The following ABHD12 variants were observed in gnomAD, a reference collection of about 807,000 sequenced individuals.
ABHD12 encodes abhydrolase domain containing 12, lysophospholipase.
A neutral mutation model predicts 58.3 loss-of-function variants in ABHD12; 43 were observed. The observed-to-expected ratio is 0.74, with a 90% CI of 0.58 to 0.95. The LOEUF (loss-of-function observed/expected upper bound fraction) is 0.95. ABHD12 is among the 40% of genes least tolerant of loss of function. The pLI, the probability that ABHD12 is intolerant of heterozygous loss-of-function variation, is 0.00. For missense variants in ABHD12, 539 were observed against 537.2 expected (o/e 1.00, Z -0.03); for synonymous variants, 219 against 211.2 (o/e 1.04, Z -0.32).
intron 1 of ABHD12, among the ~76,000 whole-genome samples, chr20:25,382,712 C>G (rs2090036474): frequency 6.6e-6 from 1 of 152,168 alleles, no homozygotes; most frequent in Admixed American, 6.5e-5. Context: ...AGATACCCCT[C>G]ACAGTTCAGG....
intron 1 of ABHD12, among the ~76,000 whole-genome samples, chr20:25,381,626 C>CTT (rs776504228): frequency 0.013 from 1,894 of 141,954 alleles, 38 homozygotes; most frequent in African/African-American, 0.042. Flanking sequence ...TCAGTACCCT[C>CTT]TTTTTTTTTT....
chr20:25,300,779 G>T lies in ABHD12; in HGVS notation c.*66C>A. 6.2e-7 allele frequency: 1 copy of T among 1,612,966 alleles called. No individual in the cohort carries two copies. On this transcript the variant is annotated 3_prime_UTR_variant, in exon 13 of 13. Transcript: ENST00000339157. ...CGGCCCCCCGGGGCTTCAGGATACC[G>T]GGCTGCTGACTGGAGGAAAACGGGA... is the stretch of plus-strand genomic sequence containing the variant.
At chr20:25,301,441 AAC>A (rs1387920178) in intron 12 of ABHD12, among the ~76,000 whole-genome samples, 2 of 142,740 alleles carry the variant, frequency 1.4e-5, no homozygotes, top group African/African-American at 2.5e-5. Flanking sequence ...CACAACAAAA[AAC>A]TCTATCACCA....
chr20:25,352,517 T>C (rs2089615059), intron 1 of ABHD12, among the ~76,000 whole-genome samples: 1 of 152,094 alleles, frequency 6.6e-6, no homozygotes, highest in Admixed American at 6.5e-5. Flanking sequence ...CTCGAACTCC[T>C]GACCTCAGGT....
intron 1 of ABHD12, among the ~76,000 whole-genome samples, chr20:25,374,835 G>A (rs774060729): frequency 1.1e-4 from 16 of 152,156 alleles, no homozygotes; most frequent in Non-Finnish European, 2.2e-4. Context: ...CAACACTAAC[G>A]TGCGTGTCAG....
intron 1 of ABHD12, among the ~76,000 whole-genome samples, chr20:25,348,546 G>A (rs2089552492): frequency 6.6e-6 from 1 of 151,870 alleles, no homozygotes. Flanking sequence ...ACTTGAGCCT[G>A]GGAGGTTGAG....
intron 6 of ABHD12, among the ~76,000 whole-genome samples, chr20:25,312,071 C>A (rs1416268343): frequency 6.6e-6 from 1 of 152,112 alleles, no homozygotes; most frequent in Admixed American, 6.5e-5. Flanking sequence ...GTAATCCCAA[C>A]ACTTCGGGAG....
downstream of ABHD12, among the ~76,000 whole-genome samples, chr20:25,298,541 C>T (rs2088586439): frequency 6.6e-6 from 1 of 152,192 alleles, no homozygotes; most frequent in African/African-American, 2.4e-5. Context: ...AGTTGTGAAC[C>T]ACTGTTCCTG....
intron 3 of ABHD12, among the ~76,000 whole-genome samples, chr20:25,321,460 T>C (rs1484085503): frequency 1.3e-5 from 2 of 152,232 alleles, no homozygotes; most frequent in African/African-American, 4.8e-5. Context: ...GTTGGTGAGC[T>C]GGGCCTGCTG....
downstream of ABHD12, chr20:25,297,273 T>C (rs549275405): frequency 1.3e-5 from 2 of 152,402 alleles, no homozygotes; most frequent in South Asian, 2.1e-4. Flanking sequence ...TAGCTTGGTT[T>C]TGCTTATTCA....
chr20:25,330,720 G>A lies in ABHD12; in HGVS notation c.317-7290C>T, dbSNP rs575801217. Among the ~76,000 whole-genome samples the A allele has an allele frequency of 2.0e-5, 3 of 152,276 alleles. No individual in the cohort carries two copies. The South Asian group carries it at 6.2e-4, about 32-fold the overall frequency. On this transcript the variant is annotated intron_variant, in intron 2 of 12. Coordinates refer to ENST00000339157, the MANE Select transcript of ABHD12 (RefSeq NM_001042472.3). The stretch of plus-strand genomic sequence containing the variant: ...CAAGGGCAGACTGACACCTCACACG[G>A]CTGGGTACTCCAACAGACCTGCAGC...
At chr20:25,379,277 C>T (rs912336029) in intron 1 of ABHD12, among the ~76,000 whole-genome samples, 1 of 152,196 alleles carries the variant, frequency 6.6e-6, no homozygotes, top group Admixed American at 6.5e-5. Flanking sequence ...TTTTTAAAAA[C>T]ATTAAATGTC....
At chr20:25,350,816 G>A (rs2146061760) in intron 1 of ABHD12, among the ~76,000 whole-genome samples, 1 of 152,188 alleles carries the variant, frequency 6.6e-6, no homozygotes, top group African/African-American at 2.4e-5. Context: ...CCTGACTAGA[G>A]CAGAACTTTA....
chr20:25,303,043 C>A (rs2088666438), intron 11 of ABHD12, among the ~76,000 whole-genome samples: 1 of 152,236 alleles, frequency 6.6e-6, no homozygotes, highest in Non-Finnish European at 1.5e-5. Context: ...AACACTGAGG[C>A]CCCACAGACA....
At chr20:25,370,096 T>G (rs1223881423) in intron 1 of ABHD12, among the ~76,000 whole-genome samples, 2 of 152,138 alleles carry the variant, frequency 1.3e-5, no homozygotes, top group African/African-American at 4.8e-5. Context: ...CCTACTTAAA[T>G]TGATTACAGT....
intron 1 of ABHD12, among the ~76,000 whole-genome samples, chr20:25,380,266 T>C (rs866614433): frequency 6.6e-6 from 1 of 152,136 alleles, no homozygotes; most frequent in Non-Finnish European, 1.5e-5. Flanking sequence ...GTGGTTTCTT[T>C]TGTTGTTTTT....
At chr20:25,326,925 T>C (rs1350221387) in intron 2 of ABHD12, among the ~76,000 whole-genome samples, 1 of 152,224 alleles carries the variant, frequency 6.6e-6, no homozygotes, top group African/African-American at 2.4e-5. Flanking sequence ...ATTAACCTTA[T>C]AGTACACTGT....
intron 1 of ABHD12, among the ~76,000 whole-genome samples, chr20:25,374,058 T>G (rs2500399): frequency 0.62 from 93,520 of 151,668 alleles, 30,381 homozygotes; most frequent in African/African-American, 0.79. Flanking sequence ...CAATTAGTTG[T>G]AATCAAAGGC....
Position 25,320,288 on chromosome 20 carries a change from G to T in ABHD12, c.453C>A (p.Asn151Lys). The change falls in exon 4 of 13, where the codon AAC (asparagine) becomes AAA (lysine). Residue 151 changes from asparagine to lysine, a missense_variant. Transcript: ENST00000339157. ...WHTVPAVWWK[N>K]AQGKDQMWYE... ...ACCACATCTGGTCTTTGCCTTGGGC[G>T]TTCTTCCACCAGACTGCAGGGACGG... 1.2e-6 allele frequency: 2 copies of T among 1,614,094 alleles called. No homozygotes were observed. Among genetic ancestry groups the T allele is most frequent in the Middle Eastern group, 1.6e-4 (1 of 6,062 alleles).
Sources: gnomAD v4.1 joint callset for allele counts (sites outside exome capture counted in the v4.1 genomes callset) on GRCh38, gnomAD v4.1.1 for gene constraint, MANE v1.5 for transcripts, NCBI Gene and HGNC (gene_info 2026-07-23, HGNC 2026-07-21) for gene names.